The following RSPO2 variants were observed in gnomAD, a reference collection of about 807,000 sequenced individuals.
The protein encoded by RSPO2 is R-spondin 2, also known as R-spondin-2.
RSPO2 carries 14 observed loss-of-function variants against 30.9 expected under a neutral mutation model. The observed-to-expected ratio is 0.45, with a 90% confidence interval of 0.30 to 0.71. The LOEUF is 0.71. Ranked by LOEUF, RSPO2 falls within the 30% of genes least tolerant of loss-of-function variation. The pLI, the probability that RSPO2 is intolerant of heterozygous loss-of-function variation, is 0.08. For missense variants in RSPO2, 264 were observed against 301.9 expected, an observed-to-expected ratio of 0.87 and a Z score of 0.93; for synonymous variants, 107 against 96.4, an observed-to-expected ratio of 1.11 and a Z score of -0.64.
intron 5 of RSPO2, among the ~76,000 whole-genome samples, chr8:107,946,608 A>T (rs760903696): frequency 6.6e-6 from 1 of 152,234 alleles, no homozygotes; most frequent in Non-Finnish European, 1.5e-5. Context: ...CAGGCCAGCT[A>T]TAAGAAAGAT....
intron 5 of RSPO2, among the ~76,000 whole-genome samples, chr8:107,940,070 T>C (rs1330416695): frequency 2.6e-5 from 4 of 152,064 alleles, no homozygotes; most frequent in Non-Finnish European, 4.4e-5. Flanking sequence ...ACTATCATCA[T>C]CAATTTCACC....
chr8:107,961,393 A>C (rs1225171002), intron 3 of RSPO2, among the ~76,000 whole-genome samples: 4 of 152,134 alleles, frequency 2.6e-5, no homozygotes, highest in Non-Finnish European at 1.5e-5. Flanking sequence ...CTTTACATAT[A>C]TTTCCACTGA....
chr8:108,067,896 C>T (rs2130718597), intron 2 of RSPO2, among the ~76,000 whole-genome samples: 1 of 152,188 alleles, frequency 6.6e-6, no homozygotes. Context: ...GAGACCAGCC[C>T]TGTCTCTACT....
At chr8:108,011,592 C>A (rs1293781167) in intron 2 of RSPO2, among the ~76,000 whole-genome samples, 1 of 152,148 alleles carries the variant, frequency 6.6e-6, no homozygotes. Flanking sequence ...TGGATTATTT[C>A]TTAGTTTTTG....
At chr8:107,995,039 A>G (rs903585764) in intron 2 of RSPO2, among the ~76,000 whole-genome samples, 5 of 152,098 alleles carry the variant, frequency 3.3e-5, no homozygotes, top group African/African-American at 1.2e-4. Flanking sequence ...GGCTTATTCT[A>G]CCAAAGGGAC....
intron 5 of RSPO2, among the ~76,000 whole-genome samples, chr8:107,936,080 C>A (rs1231154861): frequency 6.6e-6 from 1 of 152,078 alleles, no homozygotes; most frequent in Non-Finnish European, 1.5e-5. Context: ...ACCCACCAAC[C>A]AAACTCTGTA....
intron 5 of RSPO2, among the ~76,000 whole-genome samples, chr8:107,942,153 G>T (rs1317127455): frequency 6.6e-6 from 1 of 152,128 alleles, no homozygotes; most frequent in Non-Finnish European, 1.5e-5. Context: ...TCCAAGGGTG[G>T]CTAAACTGCC....
intron 2 of RSPO2, among the ~76,000 whole-genome samples, chr8:108,037,586 T>C (rs1811635570): frequency 6.6e-6 from 1 of 152,198 alleles, no homozygotes; most frequent in Non-Finnish European, 1.5e-5. Flanking sequence ...TAAATGTAGA[T>C]TAAAAAGCCT....
chr8:107,991,253 C>CACACACAA (rs1814838257), intron 2 of RSPO2, among the ~76,000 whole-genome samples: 1 of 119,074 alleles, frequency 8.4e-6, no homozygotes, highest in Non-Finnish European at 1.9e-5. Flanking sequence ...ATCTCAAACA[C>CACACACAA]ACACACACAC....
At chr8:107,955,528 T>C (rs676613) in intron 5 of RSPO2, among the ~76,000 whole-genome samples, 5 of 151,916 alleles carry the variant, frequency 3.3e-5, no homozygotes, top group African/African-American at 4.8e-5. Flanking sequence ...TCAAGTGTAA[T>C]TTGATCTACT....
At chr8:107,971,530 G>C (rs1016745698) in intron 3 of RSPO2, among the ~76,000 whole-genome samples, 4 of 152,178 alleles carry the variant, frequency 2.6e-5, no homozygotes, top group Admixed American at 6.5e-5. Flanking sequence ...GGCAGCTACT[G>C]CATTGCAACT....
chr8:107,923,798 G>C (rs1812265912), intron 5 of RSPO2, among the ~76,000 whole-genome samples: 2 of 151,872 alleles, frequency 1.3e-5, no homozygotes, highest in African/African-American at 4.8e-5. Flanking sequence ...GCAAGAACAT[G>C]GTTGATGCTG....
At chr8:107,951,106 C>T (rs1423425815) in intron 5 of RSPO2, among the ~76,000 whole-genome samples, 1 of 148,490 alleles carries the variant, frequency 6.7e-6, no homozygotes, top group East Asian at 2.0e-4. Flanking sequence ...CTTGCTCTGT[C>T]CCCCAGGCTG....
intron 2 of RSPO2, among the ~76,000 whole-genome samples, chr8:108,036,533 G>A (rs571679908): frequency 1.1e-4 from 16 of 152,298 alleles, no homozygotes; most frequent in African/African-American, 3.6e-4. Context: ...TGGCCATGGC[G>A]CTTTTCAATG....
intron 5 of RSPO2, among the ~76,000 whole-genome samples, chr8:107,948,694 C>G (rs1215847440): frequency 6.6e-6 from 1 of 151,898 alleles, no homozygotes; most frequent in African/African-American, 2.4e-5. Flanking sequence ...CCTATCTCTA[C>G]TGAAAATACA....
intron 2 of RSPO2, among the ~76,000 whole-genome samples, chr8:108,028,065 G>T (rs201090663): frequency 1.3e-5 from 2 of 152,104 alleles, no homozygotes; most frequent in Non-Finnish European, 2.9e-5. Flanking sequence ...TTAGGCTGAC[G>T]CTCAAGAGAC....
At chr8:108,050,311 C>T (rs1453589074) in intron 2 of RSPO2, among the ~76,000 whole-genome samples, 2 of 151,996 alleles carry the variant, frequency 1.3e-5, no homozygotes, top group African/African-American at 2.4e-5. Flanking sequence ...AGGTATGGAT[C>T]GGTTAATTAT....
chr8:108,022,237 A>G (rs1208820148), intron 2 of RSPO2, among the ~76,000 whole-genome samples: 3 of 152,150 alleles, frequency 2.0e-5, no homozygotes, highest in Non-Finnish European at 4.4e-5. Context: ...GGCAGTCCCC[A>G]TATCTCATAA....
intron 2 of RSPO2, among the ~76,000 whole-genome samples, chr8:108,038,369 A>G (rs1811657857): frequency 6.6e-6 from 1 of 152,230 alleles, no homozygotes; most frequent in Admixed American, 6.5e-5. Context: ...ATAAGCAAAG[A>G]AAGTGTTTCT....
Sources: gnomAD v4.1 joint callset for allele counts (sites outside exome capture counted in the v4.1 genomes callset) on GRCh38, gnomAD v4.1.1 for gene constraint, MANE v1.5 for transcripts, NCBI Gene and HGNC (gene_info 2026-07-23, HGNC 2026-07-21) for gene names.